Variants in PARD3B observed in about 807,000 individuals in gnomAD.
PARD3B encodes partitioning defective 3 homolog B.
A neutral mutation model predicts 130.2 loss-of-function variants in PARD3B; 103 were observed. The observed-to-expected ratio is 0.79, with a 90% CI of 0.67 to 0.93. The LOEUF (loss-of-function observed/expected upper bound fraction) is 0.93. Ranked by LOEUF, PARD3B falls within the 40% of genes least tolerant of loss-of-function variation. The pLI is 0.00. For missense variants in PARD3B, 1,609 were observed against 1,499.2 expected (o/e 1.07, Z -1.21); for synonymous variants, 583 against 553.2 (o/e 1.05, Z -0.76).
rs17450665 is a variant in PARD3B, at chr2:204,718,889, G to A, written c.222+32607G>A. Among the ~76,000 whole-genome samples the A allele has an allele frequency of 8.6e-3, 1,313 of 152,204 alleles. 11 individuals are homozygous for A. Among genetic ancestry groups the A allele is most frequent in the South Asian group, 0.023 (113 of 4,812 alleles). On this transcript the variant is annotated intron_variant, in intron 2 of 22. Transcript: ENST00000406610. ...TCCTTCAGAAACTGAAAATGAGTCA[G>A]GTAATAACACATATATGTATCGTTG...
intron 2 of PARD3B, among the ~76,000 whole-genome samples, chr2:204,766,136 G>A (rs2041135660): frequency 6.6e-6 from 1 of 152,108 alleles, no homozygotes; most frequent in Non-Finnish European, 1.5e-5. Context: ...GCCAGTGAAA[G>A]CTATCTTATA....
At chr2:205,192,853 G>T (rs1200717060) in intron 14 of PARD3B, among the ~76,000 whole-genome samples, 2 of 152,166 alleles carry the variant, frequency 1.3e-5, no homozygotes, top group Admixed American at 1.3e-4. Flanking sequence ...CTGCTTTTGG[G>T]CTCTGCTAAT....
intron 2 of PARD3B, among the ~76,000 whole-genome samples, chr2:204,775,208 G>A (rs1225979847): frequency 1.3e-5 from 2 of 152,096 alleles, no homozygotes; most frequent in African/African-American, 2.4e-5. Flanking sequence ...CGTATAATAC[G>A]TGAGCAATCA....
chr2:205,239,355 A>T (rs1337556922), intron 15 of PARD3B, among the ~76,000 whole-genome samples: 1 of 152,102 alleles, frequency 6.6e-6, no homozygotes, highest in Non-Finnish European at 1.5e-5. Flanking sequence ...TGTCTGTCTG[A>T]CCTTCCACTC....
chr2:205,478,048 C>A (rs1317682826), intron 20 of PARD3B, among the ~76,000 whole-genome samples: 4 of 152,228 alleles, frequency 2.6e-5, no homozygotes, highest in African/African-American at 9.6e-5. Context: ...CCACTTCATC[C>A]AACCTTCTAC....
chr2:205,317,110 G>T (rs915759117), intron 18 of PARD3B, among the ~76,000 whole-genome samples: 1 of 152,090 alleles, frequency 6.6e-6, no homozygotes, highest in African/African-American at 2.4e-5. Context: ...AACCCCTTTA[G>T]ATAACCAGAG....
chr2:204,837,106 C>A (rs1007293811), intron 2 of PARD3B, among the ~76,000 whole-genome samples: 8 of 151,998 alleles, frequency 5.3e-5, no homozygotes, highest in African/African-American at 1.9e-4. Context: ...TATGATTGGA[C>A]CCCCTGATGT....
chr2:204,603,781 G>A (rs1474821641), intron 1 of PARD3B, among the ~76,000 whole-genome samples: 1 of 152,146 alleles, frequency 6.6e-6, no homozygotes, highest in Non-Finnish European at 1.5e-5. Context: ...TTGGAAGAAT[G>A]CTTCAAAGTT....
chr2:205,073,353 T>C (rs552151149), intron 4 of PARD3B, among the ~76,000 whole-genome samples: 1 of 152,322 alleles, frequency 6.6e-6, no homozygotes. Flanking sequence ...GGTGTCCTGC[T>C]GTGGTAAATT....
intron 3 of PARD3B, among the ~76,000 whole-genome samples, chr2:205,019,758 C>T (rs1696455978): frequency 6.6e-6 from 1 of 152,060 alleles, no homozygotes; most frequent in African/African-American, 2.4e-5. Flanking sequence ...AGAAAAGTTT[C>T]AGCACAACAA....
At chr2:204,608,149 CAG>C (rs1559182125) in intron 1 of PARD3B, among the ~76,000 whole-genome samples, 1 of 151,914 alleles carries the variant, frequency 6.6e-6, no homozygotes, top group African/African-American at 2.4e-5. Flanking sequence ...AGACAGGCAA[CAG>C]GGGGGAATTT....
intron 15 of PARD3B, among the ~76,000 whole-genome samples, chr2:205,205,459 C>T (rs560747201): frequency 6.6e-6 from 1 of 152,212 alleles, no homozygotes; most frequent in East Asian, 1.9e-4. Flanking sequence ...CCTGATTGCC[C>T]TGGCCAGAAC....
intron 8 of PARD3B, among the ~76,000 whole-genome samples, chr2:205,123,952 C>A (rs1393542880): frequency 6.6e-6 from 1 of 152,164 alleles, no homozygotes; most frequent in Non-Finnish European, 1.5e-5. Context: ...GGTTGTCCAG[C>A]TCATGTAAGA....
At position 204,796,782 on chromosome 2, in the gene PARD3B, C is replaced by T. The variant is rs776042920; in HGVS notation, c.222+110500C>T. On this transcript the variant is annotated intron_variant, in intron 2 of 22. Transcript: ENST00000406610. Reference sequence around the variant, plus strand: ...TTACGTCGTTGGTTTTCAGTTTCTGCTCTTGTGTATTCGAATCCAGGTACT... The same window carrying T: ...TTACGTCGTTGGTTTTCAGTTTCTGTTCTTGTGTATTCGAATCCAGGTACT... Among the ~76,000 whole-genome samples the T allele has an allele frequency of 2.0e-4, 31 of 152,270 alleles. No individual in the cohort carries two copies. The Middle Eastern group carries it at 0.014, about 67-fold the overall frequency.
chr2:204,633,858 A>T (rs1471920935), intron 1 of PARD3B, among the ~76,000 whole-genome samples: 3 of 152,192 alleles, frequency 2.0e-5, no homozygotes, highest in African/African-American at 7.2e-5. Flanking sequence ...GTTTGTGGGT[A>T]CATAGTAGGT....
In PARD3B at chr2:204,962,045, G is replaced by A. The variant is rs145541418; in HGVS notation, c.223-3107G>A. Among the ~76,000 whole-genome samples, 112 of 152,240 alleles carry A rather than the reference G, an allele frequency of 7.4e-4. 2 individuals are homozygous for A. In the East Asian group the frequency reaches 0.02, roughly 28 times the overall value. ...GAGAAGGTCATTGGTTTGTTTGATG[G>A]GAGAACTTCTAGCATATTCATAGAC... On this transcript the variant is annotated intron_variant, in intron 2 of 22. Transcript: ENST00000406610.
intron 12 of PARD3B, among the ~76,000 whole-genome samples, chr2:205,175,912 A>G (rs2035442571): frequency 6.6e-6 from 1 of 152,146 alleles, no homozygotes; most frequent in African/African-American, 2.4e-5. Flanking sequence ...GGGAACCCTC[A>G]GGAGAACTGC....
intron 10 of PARD3B, among the ~76,000 whole-genome samples, chr2:205,156,335 C>T (rs1333402954): frequency 9.3e-5 from 14 of 151,154 alleles, no homozygotes; most frequent in Admixed American, 2.0e-4. Flanking sequence ...ATGGGTGCAG[C>T]ACACCAGCAT....
chr2:205,504,541 T>C (rs2050277232), intron 21 of PARD3B, among the ~76,000 whole-genome samples: 1 of 152,016 alleles, frequency 6.6e-6, no homozygotes, highest in Non-Finnish European at 1.5e-5. Context: ...TCCAACACAT[T>C]TACAAGAAAA....
Sources: gnomAD v4.1 joint callset for allele counts (sites outside exome capture counted in the v4.1 genomes callset) on GRCh38, gnomAD v4.1.1 for gene constraint, MANE v1.5 for transcripts, NCBI Gene and HGNC (gene_info 2026-07-23, HGNC 2026-07-21) for gene names.